The following BICD1 variants were observed in gnomAD, a reference collection of about 807,000 sequenced individuals.
BICD1 encodes the protein protein bicaudal D homolog 1.
Under a neutral mutation model 92.5 loss-of-function variants are expected in BICD1, and 35 were observed. The observed-to-expected ratio is 0.38, with a 90% CI of 0.29 to 0.50. The LOEUF (loss-of-function observed/expected upper bound fraction) is 0.50. Ranked by LOEUF, BICD1 falls within the 20% of genes least tolerant of loss-of-function variation. The probability of loss-of-function intolerance (pLI) is 0.93; values close to 1 mark genes in which losing one functional copy is unlikely to be tolerated. For missense variants in BICD1, 950 were observed against 1,189.8 expected, an observed-to-expected ratio of 0.80 and a Z score of 2.97; for synonymous variants, 429 against 465.1, an observed-to-expected ratio of 0.92 and a Z score of 1.00.
chr12:32,353,481 T>G (rs1321729048), intron 8 of BICD1: 1 of 151,980 alleles, frequency 6.6e-6, no homozygotes, highest in Non-Finnish European at 1.5e-5. Flanking sequence ...AAGAAACAAC[T>G]GACATTGGTG....
chr12:32,172,601 A>G (rs529217794), intron 1 of BICD1, among the ~76,000 whole-genome samples: 1 of 152,206 alleles, frequency 6.6e-6, no homozygotes, highest in South Asian at 2.1e-4. Context: ...AGCTCCCAAG[A>G]CTCAGGCCCT....
chr12:32,229,250 CAAAACA>C (rs1359917067), intron 2 of BICD1, among the ~76,000 whole-genome samples: 1 of 151,884 alleles, frequency 6.6e-6, no homozygotes, highest in Admixed American at 6.6e-5. Flanking sequence ...GACTCTGTCT[CAAAACA>C]AAAACAAAAA....
At chr12:32,161,111 G>C (rs1018152545) in intron 1 of BICD1, among the ~76,000 whole-genome samples, 13 of 152,106 alleles carry the variant, frequency 8.5e-5, no homozygotes, top group African/African-American at 3.1e-4. Flanking sequence ...ATTATGTCTT[G>C]AGACTCACCT....
rs71445892 is a variant in BICD1, at chr12:32,351,164, TA to T, written c.2764+12201del. Among the ~76,000 whole-genome samples, 361 of 137,824 alleles carry T rather than the reference TA, an allele frequency of 2.6e-3. 1 individual carries two copies. The highest frequency in any genetic ancestry group is 4.2e-3 in the East Asian group (20 of 4,728). The allele number at this position is 137,824 out of a possible 152,430, so 90.4% of individuals were successfully genotyped here. Reference sequence around the variant, plus strand: ...GATTGTTACTCTTAAAATAATTACTTAAAAAAAAAAAAAAAACTTCCATAAC... The same window carrying T: ...GATTGTTACTCTTAAAATAATTACTTAAAAAAAAAAAAAAACTTCCATAAC... On this transcript the variant is annotated intron_variant, in intron 8 of 9. Transcript: ENST00000652176.
At chr12:32,373,327 A>C (rs1424276813) in intron 9 of BICD1, among the ~76,000 whole-genome samples, 2 of 152,248 alleles carry the variant, frequency 1.3e-5, no homozygotes, top group South Asian at 2.1e-4. Flanking sequence ...CTGTAAGCCA[A>C]GAATGTGTGT....
rs147357322 is a variant in BICD1, at chr12:32,222,599, A to T, written c.426+6140A>T. On this transcript the variant is annotated intron_variant, in intron 2 of 9. Transcript: ENST00000652176. ...CCTCTTCCGAACCCTGCCTCAAGCA[A>T]TGAAATTTCTAGAAAAGTATATGAA... is the stretch of plus-strand genomic sequence containing the variant. 1.5e-3 allele frequency among the ~76,000 whole-genome samples: 223 copies of T among 152,302 alleles called. No individual in the cohort carries two copies. In the South Asian group the frequency reaches 0.016, roughly 11 times the overall value.
At chr12:32,326,086 A>AC (rs1948772566) in intron 4 of BICD1, among the ~76,000 whole-genome samples, 1 of 150,464 alleles carries the variant, frequency 6.6e-6, no homozygotes, top group Non-Finnish European at 1.5e-5. Context: ...ATCTCAAAAA[A>AC]AAAAAAAAAA....
chr12:32,247,518 C>A (rs1208814191), intron 2 of BICD1, among the ~76,000 whole-genome samples: 1 of 152,148 alleles, frequency 6.6e-6, no homozygotes, highest in Non-Finnish European at 1.5e-5. Flanking sequence ...GTGGCTCACA[C>A]CTGTAATCCC....
At chr12:32,304,371 CATG>C (rs1218198366) in intron 3 of BICD1, among the ~76,000 whole-genome samples, 1 of 152,152 alleles carries the variant, frequency 6.6e-6, no homozygotes. Flanking sequence ...CATCTAATAT[CATG>C]ATGACTTTAT....
chr12:32,153,577 C>T (rs1354959436), intron 1 of BICD1, among the ~76,000 whole-genome samples: 1 of 151,890 alleles, frequency 6.6e-6, no homozygotes, highest in East Asian at 1.9e-4. Flanking sequence ...GGCAACATGG[C>T]GAAAGTTCAT....
At chr12:32,291,334 C>T (rs1414790170) in intron 2 of BICD1, among the ~76,000 whole-genome samples, 2 of 151,958 alleles carry the variant, frequency 1.3e-5, no homozygotes, top group South Asian at 2.1e-4. Context: ...CCCAGGCATT[C>T]GAGACCAGCT....
At chr12:32,318,544 T>C (rs977902165) in intron 4 of BICD1, among the ~76,000 whole-genome samples, 1 of 152,164 alleles carries the variant, frequency 6.6e-6, no homozygotes, top group African/African-American at 2.4e-5. Context: ...AATGGTTGCA[T>C]TTTGCACTTC....
intron 2 of BICD1, among the ~76,000 whole-genome samples, chr12:32,293,328 C>G (rs1810604452): frequency 6.6e-6 from 1 of 151,664 alleles, no homozygotes; most frequent in South Asian, 2.1e-4. Flanking sequence ...TTCTTTTTTT[C>G]TGTTTTTGAG....
At chr12:32,113,704 T>A (rs1462586723) in intron 1 of BICD1, among the ~76,000 whole-genome samples, 1 of 138,024 alleles carries the variant, frequency 7.2e-6, no homozygotes, top group Non-Finnish European at 1.5e-5. Flanking sequence ...CCACCATGCT[T>A]GGGTAATTTT....
intron 1 of BICD1, among the ~76,000 whole-genome samples, chr12:32,146,678 G>T (rs1164258127): frequency 6.6e-6 from 1 of 152,192 alleles, no homozygotes; most frequent in Non-Finnish European, 1.5e-5. Flanking sequence ...GGAAGGGCAC[G>T]CAGTGACAGA....
chr12:32,311,267 G>T (rs1056610124), intron 4 of BICD1, among the ~76,000 whole-genome samples: 7 of 152,174 alleles, frequency 4.6e-5, no homozygotes, highest in African/African-American at 1.7e-4. Flanking sequence ...GGAGGCCAAG[G>T]TGGGTGGATC....
intron 1 of BICD1, among the ~76,000 whole-genome samples, chr12:32,137,136 T>C (rs953877651): frequency 6.6e-6 from 1 of 152,192 alleles, no homozygotes; most frequent in African/African-American, 2.4e-5. Context: ...TTGCCCAGAC[T>C]GGATTGCAGT....
intron 1 of BICD1, among the ~76,000 whole-genome samples, chr12:32,134,426 G>C (rs951113786): frequency 6.6e-6 from 1 of 152,192 alleles, no homozygotes; most frequent in African/African-American, 2.4e-5. Context: ...TTGTGTTCTA[G>C]GTAAAGTGGT....
chr12:32,172,080 C>CTT (rs1272040211), intron 1 of BICD1, among the ~76,000 whole-genome samples: 1 of 151,896 alleles, frequency 6.6e-6, no homozygotes, highest in African/African-American at 2.4e-5. Context: ...CCCTCCGTTC[C>CTT]TTTTCTGTTT....
Sources: gnomAD v4.1 joint callset for allele counts (sites outside exome capture counted in the v4.1 genomes callset) on GRCh38, gnomAD v4.1.1 for gene constraint, MANE v1.5 for transcripts, NCBI Gene and HGNC (gene_info 2026-07-23, HGNC 2026-07-21) for gene names.